The following NAALADL2 variants were observed in gnomAD, a reference collection of about 807,000 sequenced individuals.
NAALADL2 encodes the protein inactive N-acetylated-alpha-linked acidic dipeptidase-like protein 2.
A neutral mutation model predicts 87.2 loss-of-function variants in NAALADL2; 76 were observed. The ratio of observed to expected loss-of-function variants is 0.87; its 90% confidence interval spans 0.72 to 1.05. The LOEUF (loss-of-function observed/expected upper bound fraction) is 1.05. Among genes scored for constraint, NAALADL2 ranks in the 50% least tolerant of loss-of-function variants. The pLI is 0.00. For missense variants in NAALADL2, 1,089 were observed against 945.8 expected (o/e 1.15, Z -1.99); for synonymous variants, 354 against 331.0 (o/e 1.07, Z -0.75).
At chr3:174,534,673 A>G (rs2861835) in intron 1 of NAALADL2, among the ~76,000 whole-genome samples, 78,747 of 151,950 alleles carry the variant, frequency 0.52, 22,278 homozygotes, top group Non-Finnish European at 0.65. Context: ...TAACATATAT[A>G]CCCCTAAATC....
intron 1 of NAALADL2, among the ~76,000 whole-genome samples, chr3:174,538,029 A>G (rs1721887543): frequency 1.3e-5 from 2 of 152,116 alleles, no homozygotes; most frequent in Admixed American, 1.3e-4. Flanking sequence ...CTTAGTATTT[A>G]TAGTGTGGAA....
intron 11 of NAALADL2, among the ~76,000 whole-genome samples, chr3:175,733,122 TAGA>T (rs1398604124): frequency 2.0e-5 from 3 of 152,170 alleles, no homozygotes; most frequent in Non-Finnish European, 2.9e-5. Context: ...CCCAAGCAGA[TAGA>T]AGAAGATCAA....
At chr3:175,606,556 C>A (rs575610718) in intron 10 of NAALADL2, among the ~76,000 whole-genome samples, 8 of 152,118 alleles carry the variant, frequency 5.3e-5, no homozygotes, top group South Asian at 2.1e-4. Flanking sequence ...TGTAATATTG[C>A]GGAACTCCTT....
rs138398630 is a variant in NAALADL2, at chr3:174,989,395, A to C, written c.44-107395A>C. Among the ~76,000 whole-genome samples the C allele has an allele frequency of 5.1e-3, 784 of 152,348 alleles. 22 individuals are homozygous for C. Among genetic ancestry groups the C allele is most frequent in the East Asian group, 5.2e-3 (27 of 5,186 alleles). On this transcript the variant is annotated intron_variant, in intron 1 of 13. Coordinates refer to ENST00000454872, the MANE Select transcript of NAALADL2 (RefSeq NM_207015.3). ...TACATTTAATGGTAGAAAGAAACTT[A>C]CATTTTGTTTCGTAAAAGGCCATTG... is the stretch of plus-strand genomic sequence containing the variant.
At chr3:175,788,000 A>T (rs1752297959) in intron 13 of NAALADL2, among the ~76,000 whole-genome samples, 1 of 151,804 alleles carries the variant, frequency 6.6e-6, no homozygotes, top group Non-Finnish European at 1.5e-5. Flanking sequence ...ACATTCTCTT[A>T]CCACTCACTG....
intron 1 of NAALADL2, among the ~76,000 whole-genome samples, chr3:175,070,179 AAAAAT>A (rs1266293223): frequency 6.6e-6 from 1 of 150,416 alleles, no homozygotes; most frequent in African/African-American, 2.4e-5. Context: ...AAACTAAAAT[AAAAAT>A]AAAAAATAAA....
At chr3:174,548,553 A>G (rs2108485326) in intron 1 of NAALADL2, among the ~76,000 whole-genome samples, 1 of 152,200 alleles carries the variant, frequency 6.6e-6, no homozygotes, top group South Asian at 2.1e-4. Flanking sequence ...ACAGACAGAA[A>G]AACAGAAAAA....
intron 11 of NAALADL2, among the ~76,000 whole-genome samples, chr3:175,633,686 T>G (rs912479226): frequency 6.6e-6 from 1 of 151,950 alleles, no homozygotes; most frequent in African/African-American, 2.4e-5. Flanking sequence ...CTTGTAAGTT[T>G]CCTCAAGAAA....
At chr3:175,115,770 G>A (rs575811730) in intron 2 of NAALADL2, among the ~76,000 whole-genome samples, 6 of 151,498 alleles carry the variant, frequency 4.0e-5, no homozygotes, top group East Asian at 3.9e-4. Flanking sequence ...GAGATCGAGC[G>A]CATTCAGGGG....
chr3:175,041,799 T>C (rs1383969507), intron 1 of NAALADL2, among the ~76,000 whole-genome samples: 1 of 152,130 alleles, frequency 6.6e-6, no homozygotes, highest in East Asian at 1.9e-4. Context: ...TGAGGTCTAA[T>C]TGACAAGCAA....
At chr3:174,738,827 C>T (rs1733477160) in intron 3 of NAALADL2, among the ~76,000 whole-genome samples, 1 of 152,078 alleles carries the variant, frequency 6.6e-6, no homozygotes, top group African/African-American at 2.4e-5. Context: ...GTTTGCATTT[C>T]TTTGAATTTT....
At chr3:174,794,174 A>G (rs1382426940) in intron 3 of NAALADL2, among the ~76,000 whole-genome samples, 1 of 152,094 alleles carries the variant, frequency 6.6e-6, no homozygotes, top group African/African-American at 2.4e-5. Flanking sequence ...TGAGACTTTT[A>G]AATATATTTA....
At chr3:175,630,423 C>T (rs998948288) in intron 11 of NAALADL2, among the ~76,000 whole-genome samples, 1 of 151,442 alleles carries the variant, frequency 6.6e-6, no homozygotes, top group Admixed American at 6.6e-5. Flanking sequence ...ATGATGTATA[C>T]GTTTTCTCTA....
intron 5 of NAALADL2, among the ~76,000 whole-genome samples, chr3:175,405,888 T>A (rs1215710518): frequency 6.6e-6 from 1 of 152,240 alleles, no homozygotes; most frequent in Non-Finnish European, 1.5e-5. Flanking sequence ...TTTCATTTTT[T>A]ATTCTTGATT....
chr3:175,226,637 T>C (rs535744530), intron 2 of NAALADL2, among the ~76,000 whole-genome samples: 1 of 151,158 alleles, frequency 6.6e-6, no homozygotes, highest in East Asian at 1.9e-4. Flanking sequence ...ATATCAAGAG[T>C]TTTTTGTGAT....
At chr3:174,565,874 A>G (rs767559293) in intron 2 of NAALADL2, among the ~76,000 whole-genome samples, 2 of 152,044 alleles carry the variant, frequency 1.3e-5, no homozygotes, top group African/African-American at 4.8e-5. Context: ...AGAGTCTAAA[A>G]AATATCCCAT....
intron 10 of NAALADL2, chr3:175,609,698 G>A (rs1357780091): frequency 6.6e-6 from 1 of 152,074 alleles, no homozygotes; most frequent in Non-Finnish European, 1.5e-5. Flanking sequence ...TATGAACTAA[G>A]CAATGGACAA....
At chr3:174,650,306 T>C (rs1270124991) in intron 2 of NAALADL2, among the ~76,000 whole-genome samples, 7 of 152,128 alleles carry the variant, frequency 4.6e-5, no homozygotes, top group Admixed American at 2.6e-4. Context: ...AAATGCTCCA[T>C]GGAAAAGGTG....
chr3:174,449,737 G>C (rs1715340400), intron 1 of NAALADL2, among the ~76,000 whole-genome samples: 1 of 152,120 alleles, frequency 6.6e-6, no homozygotes, highest in African/African-American at 2.4e-5. Context: ...ATTAAAGTCT[G>C]TTTGAAAGTT....
Sources: allele counts gnomAD v4.1 joint callset (sites outside exome capture counted in the v4.1 genomes callset), GRCh38; gene constraint gnomAD v4.1.1; transcripts MANE v1.5; gene names NCBI Gene and HGNC (gene_info 2026-07-23, HGNC 2026-07-21).